The following VIT variants were observed in gnomAD, a reference collection of about 807,000 sequenced individuals.
The protein encoded by VIT is vitrin.
Under a neutral mutation model 78.0 loss-of-function variants are expected in VIT, and 99 were observed. The observed-to-expected ratio is 1.27, with a 90% CI of 1.08 to 1.50. The LOEUF (loss-of-function observed/expected upper bound fraction) is 1.50, where lower values mean the gene tolerates loss of function less well. Ranked by LOEUF, VIT falls within the 40% of genes most tolerant of loss-of-function variation. VIT has a pLI of 0.00. For synonymous variants in VIT, 374 were observed against 334.3 expected (o/e 1.12, Z -1.29); for missense variants, 1,126 against 875.3 (o/e 1.29, Z -3.61).
chr2:36,762,293 C>G (rs1669171054), intron 6 of VIT, among the ~76,000 whole-genome samples: 1 of 152,128 alleles, frequency 6.6e-6, no homozygotes, highest in Non-Finnish European at 1.5e-5. Flanking sequence ...GCCCCTTTAC[C>G]AAACCGTTTA....
At position 36,708,754 on chromosome 2, in the gene VIT, C is replaced by T. The variant is rs1311387108; in HGVS notation, c.-18-7599C>T. On this transcript the variant is annotated intron_variant, in intron 1 of 15. Coordinates refer to ENST00000379242, the MANE Select transcript of VIT (RefSeq NM_053276.4). ...AAATTTGAGCCCCTCCCAGTCCCCACGTTTCAGGCGTATGTGCCCATCCAC... is the reference window on the plus strand; with the variant it reads ...AAATTTGAGCCCCTCCCAGTCCCCATGTTTCAGGCGTATGTGCCCATCCAC... 3.9e-5 allele frequency among the ~76,000 whole-genome samples: 6 copies of T among 152,184 alleles called. No homozygotes were observed. In the South Asian group the frequency reaches 6.2e-4, roughly 16 times the overall value.
At chr2:36,704,566 G>A (rs1665291875) in intron 1 of VIT, among the ~76,000 whole-genome samples, 1 of 152,152 alleles carries the variant, frequency 6.6e-6, no homozygotes, top group South Asian at 2.1e-4. Context: ...TAGGACATTA[G>A]GTGGTTGCCT....
intron 11 of VIT, 69 bp downstream of exon 11, chr2:36,783,471 C>A: frequency 6.8e-7 from 1 of 1,465,724 alleles, no homozygotes; most frequent in Non-Finnish European, 9.4e-7. Context: ...TCTCTTCCCA[C>A]TCACTCCCAC....
chr2:36,719,187 C>T (rs1666341477), intron 2 of VIT, among the ~76,000 whole-genome samples: 1 of 152,146 alleles, frequency 6.6e-6, no homozygotes, highest in African/African-American at 2.4e-5. Context: ...ACTCCTATAC[C>T]TCAACACAAT....
At chr2:36,805,340 T>G (rs2148673726) in intron 13 of VIT, 98 bp from the exon 14 acceptor site, 11 of 990,794 alleles carry the variant, frequency 1.1e-5, no homozygotes, top group East Asian at 3.1e-5. Flanking sequence ...AGGGAGGGAA[T>G]GAGTGTATTT....
At chr2:36,778,992 G>A (rs1670234595) in intron 9 of VIT, among the ~76,000 whole-genome samples, 2 of 152,210 alleles carry the variant, frequency 1.3e-5, no homozygotes, top group Admixed American at 1.3e-4. Context: ...GCTCTTGCTT[G>A]GGTCCCGTGT....
chr2:36,771,624 G>C (rs1442372879), intron 7 of VIT, among the ~76,000 whole-genome samples: 1 of 151,900 alleles, frequency 6.6e-6, no homozygotes, highest in Non-Finnish European at 1.5e-5. Flanking sequence ...TCATTTCTCA[G>C]CAACTCTCAT....
chr2:36,764,346 G>A (rs184185123), intron 6 of VIT, among the ~76,000 whole-genome samples: 232 of 152,294 alleles, frequency 1.5e-3, no homozygotes, highest in African/African-American at 5.1e-3. Flanking sequence ...GGTCAAACCC[G>A]GGCCTGCATC....
chr2:36,788,292 C>A (rs11690186), intron 12 of VIT, among the ~76,000 whole-genome samples: 89 of 152,256 alleles, frequency 5.8e-4, no homozygotes, highest in African/African-American at 2.1e-3. Flanking sequence ...GGGTCTCCAG[C>A]GCCTTCAGAG....
chr2:36,749,985 A>C (rs933629828), intron 4 of VIT, among the ~76,000 whole-genome samples: 1 of 152,220 alleles, frequency 6.6e-6, no homozygotes, highest in Admixed American at 6.5e-5. Flanking sequence ...TGGCTATAGT[A>C]ATCTTTTCCC....
At chr2:36,704,136 G>A (rs1470718358) in intron 1 of VIT, among the ~76,000 whole-genome samples, 2 of 151,964 alleles carry the variant, frequency 1.3e-5, no homozygotes, top group African/African-American at 4.8e-5. Context: ...ATGTTGGCTA[G>A]GCTGGTCTCG....
At chr2:36,750,585 G>A (rs1171276110) in intron 4 of VIT, among the ~76,000 whole-genome samples, 3 of 152,142 alleles carry the variant, frequency 2.0e-5, no homozygotes, top group African/African-American at 7.2e-5. Context: ...CACTTTGGGA[G>A]GCCAAGATGG....
intron 9 of VIT, among the ~76,000 whole-genome samples, 191 bp from the exon 10 acceptor site, chr2:36,781,536 G>A (rs1322531779): frequency 1.3e-5 from 2 of 152,168 alleles, no homozygotes; most frequent in South Asian, 2.1e-4. Flanking sequence ...TTATGCCTTT[G>A]ACTTTAAGAG....
chr2:36,779,184 T>C (rs895273329), intron 9 of VIT, among the ~76,000 whole-genome samples: 1 of 152,204 alleles, frequency 6.6e-6, no homozygotes, highest in Non-Finnish European at 1.5e-5. Context: ...GCTGAAGCGA[T>C]GATGACTCCT....
At chr2:36,776,211 C>T (rs1471035793) in intron 9 of VIT, among the ~76,000 whole-genome samples, 2 of 152,324 alleles carry the variant, frequency 1.3e-5, no homozygotes, top group Non-Finnish European at 2.9e-5. Flanking sequence ...TTTGTCTAAA[C>T]CAGTGGTTCT....
At chr2:36,726,673 G>C (rs1423749949) in intron 2 of VIT, among the ~76,000 whole-genome samples, 1 of 152,046 alleles carries the variant, frequency 6.6e-6, no homozygotes. Flanking sequence ...ACAAAAATTA[G>C]CCAGGTGTGG....
intron 12 of VIT, among the ~76,000 whole-genome samples, chr2:36,789,474 T>C (rs1172830722): frequency 1.3e-5 from 2 of 152,168 alleles, no homozygotes; most frequent in East Asian, 3.9e-4. Context: ...ATTGATGTGT[T>C]GCACAGCGGT....
At chr2:36,745,975 G>A (rs1201497626) in intron 4 of VIT, among the ~76,000 whole-genome samples, 2 of 152,030 alleles carry the variant, frequency 1.3e-5, no homozygotes, top group Non-Finnish European at 2.9e-5. Flanking sequence ...TTGAGGTTAT[G>A]TTCCTATAAT....
chr2:36,706,029 G>A (rs1665398202), intron 1 of VIT, among the ~76,000 whole-genome samples: 1 of 152,164 alleles, frequency 6.6e-6, no homozygotes, highest in Non-Finnish European at 1.5e-5. Context: ...CTCTGGTTGT[G>A]AACTACTGTC....
Sources: allele counts gnomAD v4.1 joint callset (sites outside exome capture counted in the v4.1 genomes callset), GRCh38; gene constraint gnomAD v4.1.1; transcripts MANE v1.5; gene names NCBI Gene and HGNC (gene_info 2026-07-23, HGNC 2026-07-21).